PIGK: variants seen among roughly 807,000 people sequenced by gnomAD.
PIGK encodes the protein GPI-anchor transamidase.
PIGK carries 42 observed loss-of-function variants against 50.6 expected under a neutral mutation model. The ratio of observed to expected loss-of-function variants is 0.83; its 90% CI spans 0.65 to 1.07. The LOEUF (loss-of-function observed/expected upper bound fraction) is 1.07. Among genes scored for constraint, PIGK ranks in the 50% least tolerant of loss-of-function variants. The pLI is 0.00. For missense variants in PIGK, 448 were observed against 488.7 expected, an observed-to-expected ratio of 0.92 and a Z score of 0.78; for synonymous variants, 151 against 156.0, an observed-to-expected ratio of 0.97 and a Z score of 0.24.
At chr1:77,106,603 T>G (rs1000911189) in intron 10 of PIGK, among the ~76,000 whole-genome samples, 8 of 152,162 alleles carry the variant, frequency 5.3e-5, no homozygotes, top group African/African-American at 1.9e-4. Context: ...TAATGATCTT[T>G]CCCATGGATA....
chr1:77,123,748 T>C (rs2100529392), intron 9 of PIGK, among the ~76,000 whole-genome samples: 1 of 152,282 alleles, frequency 6.6e-6, no homozygotes, highest in South Asian at 2.1e-4. Context: ...ATGTATTTAA[T>C]GCCACTAAAG....
chr1:77,180,865 G>A (rs1287670407), intron 3 of PIGK, among the ~76,000 whole-genome samples: 2 of 152,116 alleles, frequency 1.3e-5, no homozygotes, highest in Non-Finnish European at 2.9e-5. Context: ...AGGCAGGTTT[G>A]CCCTAAGCAG....
intron 10 of PIGK, among the ~76,000 whole-genome samples, chr1:77,111,310 A>G (rs1308415428): frequency 2.0e-5 from 3 of 152,180 alleles, no homozygotes; most frequent in Non-Finnish European, 4.4e-5. Flanking sequence ...ATGCACACAT[A>G]TGTTTATTGT....
At chr1:77,112,656 G>A (rs1653880752) in intron 10 of PIGK, among the ~76,000 whole-genome samples, 1 of 152,092 alleles carries the variant, frequency 6.6e-6, no homozygotes, top group African/African-American at 2.4e-5. Context: ...TAGAAAAACA[G>A]GATGCATTGG....
At chr1:77,207,023 C>T (rs1316712423) in intron 2 of PIGK, among the ~76,000 whole-genome samples, 3 of 152,030 alleles carry the variant, frequency 2.0e-5, no homozygotes, top group Non-Finnish European at 4.4e-5. Flanking sequence ...AAAAATTACC[C>T]AGGTGTGGTG....
In PIGK at chr1:77,089,337, AC is replaced by A. The variant is rs1473581296; in HGVS notation, c.*3036del. On this transcript the variant is annotated 3_prime_UTR_variant, in exon 11 of 11. Transcript: ENST00000370812. ...CCAATTCTTTAAAGCAAAAATGGATACTGATCTCATTGTTTTATAGCCATAT... is the reference window on the plus strand; with the variant it reads ...CCAATTCTTTAAAGCAAAAATGGATATGATCTCATTGTTTTATAGCCATAT... 7.2e-5 allele frequency: 11 copies of A among 152,210 alleles called. No individual in the cohort carries two copies. The highest frequency in any genetic ancestry group is 2.0e-4 in the Admixed American group (3 of 15,280). 9.4% of individuals were successfully genotyped at this position (152,210 alleles called of 1,614,324 possible).
intron 9 of PIGK, among the ~76,000 whole-genome samples, chr1:77,125,744 G>A (rs536298377): frequency 6.0e-4 from 91 of 151,952 alleles, no homozygotes; most frequent in African/African-American, 2.1e-3. Flanking sequence ...CTTTCAATAT[G>A]GAAATTCAGA....
At chr1:77,164,214 A>G (rs1452467220) in intron 5 of PIGK, among the ~76,000 whole-genome samples, 1 of 152,168 alleles carries the variant, frequency 6.6e-6, no homozygotes, top group East Asian at 1.9e-4. Context: ...TGGCTCCATT[A>G]TTATATCAGA....
intron 10 of PIGK, among the ~76,000 whole-genome samples, chr1:77,112,471 G>T (rs992483872): frequency 4.6e-5 from 7 of 152,052 alleles, no homozygotes; most frequent in Non-Finnish European, 1.0e-4. Context: ...GTTTTTGGTG[G>T]ATCCCTGGAT....
At position 77,204,248 on chromosome 1, in the gene PIGK, C is replaced by T. The variant is rs186512090; in HGVS notation, c.239+2392G>A. Reference sequence around the variant, plus strand: ...TGGGAATGTCTGTCTTATACGGTTGCAGATAAGGGATGAAATAAGCCCAGT... The same window carrying T: ...TGGGAATGTCTGTCTTATACGGTTGTAGATAAGGGATGAAATAAGCCCAGT... On this transcript the variant is annotated intron_variant, in intron 3 of 10. Transcript: ENST00000370812. Among the ~76,000 whole-genome samples, 173 of 152,242 alleles carry T rather than the reference C, an allele frequency of 1.1e-3. 1 individual carries two copies. The highest frequency in any genetic ancestry group is 3.7e-3 in the African/African-American group (154 of 41,534).
chr1:77,215,843 T>C (rs1656547344), intron 1 of PIGK, among the ~76,000 whole-genome samples: 2 of 152,090 alleles, frequency 1.3e-5, no homozygotes, highest in Admixed American at 6.6e-5. Flanking sequence ...GGCACAGAAA[T>C]TTAAATTTTT....
At chr1:77,185,827 C>T (rs1011075096) in intron 3 of PIGK, among the ~76,000 whole-genome samples, 34 of 149,846 alleles carry the variant, frequency 2.3e-4, no homozygotes, top group Admixed American at 2.1e-3. Context: ...TGAACCACAG[C>T]GGAGGCCTCT....
chr1:77,178,970 T>A (rs1041286132), intron 3 of PIGK, among the ~76,000 whole-genome samples: 4 of 152,158 alleles, frequency 2.6e-5, no homozygotes, highest in African/African-American at 9.7e-5. Context: ...AAGGGGAAAT[T>A]TTTTTAAAAG....
chr1:77,141,362 T>C (rs935743130), intron 9 of PIGK, among the ~76,000 whole-genome samples: 3 of 152,130 alleles, frequency 2.0e-5, no homozygotes, highest in Admixed American at 2.0e-4. Context: ...CATATTAATA[T>C]TAGAAGCTGA....
chr1:77,114,102 C>T (rs886952706), intron 10 of PIGK, among the ~76,000 whole-genome samples: 1 of 152,098 alleles, frequency 6.6e-6, no homozygotes, highest in African/African-American at 2.4e-5. Context: ...ATGAATTACA[C>T]CTGTTGACAC....
At chr1:77,155,519 AATG>A (rs1441894292) in intron 8 of PIGK, among the ~76,000 whole-genome samples, 1 of 152,194 alleles carries the variant, frequency 6.6e-6, no homozygotes, top group African/African-American at 2.4e-5. Flanking sequence ...GGTAGAAAAA[AATG>A]ATAAGTCCCA....
chr1:77,111,733 T>A (rs964039573), intron 10 of PIGK, among the ~76,000 whole-genome samples: 35 of 152,132 alleles, frequency 2.3e-4, no homozygotes, highest in Admixed American at 7.2e-4. Flanking sequence ...GTTGTGCACA[T>A]GTACCCTAGA....
intron 10 of PIGK, among the ~76,000 whole-genome samples, chr1:77,100,674 G>C (rs1570179093): frequency 6.6e-6 from 1 of 151,928 alleles, no homozygotes; most frequent in East Asian, 1.9e-4. Context: ...GGGAAATAAG[G>C]CACTGATCTA....
At chr1:77,100,258 GGACA>G (rs1428204772) in intron 10 of PIGK, among the ~76,000 whole-genome samples, 2 of 152,082 alleles carry the variant, frequency 1.3e-5, no homozygotes, top group Non-Finnish European at 2.9e-5. Flanking sequence ...TGTATTTTAA[GGACA>G]GAAAGTATAA....
Sources: gnomAD v4.1 joint callset for allele counts (sites outside exome capture counted in the v4.1 genomes callset) on GRCh38, gnomAD v4.1.1 for gene constraint, MANE v1.5 for transcripts, NCBI Gene and HGNC (gene_info 2026-07-23, HGNC 2026-07-21) for gene names.